Variants in DLGAP2 observed in about 807,000 individuals in gnomAD.
The protein encoded by DLGAP2 is DLG associated protein 2, also known as disks large-associated protein 2.
DLGAP2 carries 26 observed loss-of-function variants against 100.3 expected under a neutral mutation model. The observed-to-expected ratio is 0.26, with a 90% CI of 0.19 to 0.36. The LOEUF (loss-of-function observed/expected upper bound fraction) is 0.36. Among genes scored for constraint, DLGAP2 ranks in the 10% least tolerant of loss-of-function variants. The pLI is 1.00. For synonymous variants in DLGAP2, 886 were observed against 630.1 expected (o/e 1.41, Z -6.08); for missense variants, 1,858 against 1,453.2 (o/e 1.28, Z -4.53).
At chr8:1,184,467 C>G (rs1021482840) in intron 2 of DLGAP2, among the ~76,000 whole-genome samples, 1 of 152,166 alleles carries the variant, frequency 6.6e-6, no homozygotes, top group Non-Finnish European at 1.5e-5. Context: ...GAGGCTGAGG[C>G]CATTCTTCTC....
At chr8:1,409,531 C>G (rs992210141) in intron 3 of DLGAP2, among the ~76,000 whole-genome samples, 1 of 152,244 alleles carries the variant, frequency 6.6e-6, no homozygotes, top group Non-Finnish European at 1.5e-5. Flanking sequence ...GCTCAGAACC[C>G]TCCTCGCTTC....
intron 8 of DLGAP2, among the ~76,000 whole-genome samples, chr8:1,638,581 A>G (rs1319493286): frequency 6.6e-6 from 1 of 152,130 alleles, no homozygotes; most frequent in Non-Finnish European, 1.5e-5. Flanking sequence ...CTCAAATAGC[A>G]CAGGTGAGAA....
At chr8:1,206,399 C>T (rs1057027881) in intron 2 of DLGAP2, among the ~76,000 whole-genome samples, 8 of 129,166 alleles carry the variant, frequency 6.2e-5, no homozygotes, top group East Asian at 5.8e-4. Flanking sequence ...TCCAGCCATC[C>T]GTGGACTGGG....
chr8:1,107,507 A>G (rs1804815326), intron 2 of DLGAP2, among the ~76,000 whole-genome samples: 1 of 152,210 alleles, frequency 6.6e-6, no homozygotes, highest in African/African-American at 2.4e-5. Context: ...ACAGCTCTTC[A>G]CAGGGAGAGC....
chr8:1,433,517 T>C (rs940288628), intron 3 of DLGAP2, among the ~76,000 whole-genome samples: 1 of 152,208 alleles, frequency 6.6e-6, no homozygotes, highest in Non-Finnish European at 1.5e-5. Flanking sequence ...TGGTGCTGTC[T>C]GGTGAGCCCA....
At chr8:1,530,030 C>T (rs924703513) in intron 4 of DLGAP2, among the ~76,000 whole-genome samples, 24 of 152,126 alleles carry the variant, frequency 1.6e-4, no homozygotes, top group Non-Finnish European at 2.9e-4. Flanking sequence ...AGGACGGGAG[C>T]GAAATTAAAA....
chr8:795,709 G>GAGAGCAGGCATCCAGTA (rs1554564617), intron 1 of DLGAP2, among the ~76,000 whole-genome samples: 17 of 68,258 alleles, frequency 2.5e-4, no homozygotes, highest in Non-Finnish European at 1.5e-4. Context: ...GGCGTCCAGT[G>GAGAGCAGGCATCCAGTA]AGAGCAGGCG....
At chr8:1,167,329 C>T (rs932279160) in intron 2 of DLGAP2, among the ~76,000 whole-genome samples, 1 of 152,130 alleles carries the variant, frequency 6.6e-6, no homozygotes, top group Non-Finnish European at 1.5e-5. Context: ...TTCTCGAGTC[C>T]AGTACACACT....
At chr8:1,575,629 C>T (rs1355992580) in intron 6 of DLGAP2, among the ~76,000 whole-genome samples, 1 of 103,036 alleles carries the variant, frequency 9.7e-6, no homozygotes, top group Non-Finnish European at 1.8e-5. Flanking sequence ...TCCCCCCACC[C>T]CATAACAGGC....
chr8:955,701 A>T (rs1352372416), intron 2 of DLGAP2, among the ~76,000 whole-genome samples: 1 of 152,184 alleles, frequency 6.6e-6, no homozygotes, highest in Non-Finnish European at 1.5e-5. Context: ...TTGAATTATT[A>T]TCCCAACTTC....
chr8:1,045,844 G>T (rs1218911656), intron 2 of DLGAP2, among the ~76,000 whole-genome samples: 8 of 152,136 alleles, frequency 5.3e-5, no homozygotes, highest in African/African-American at 1.9e-4. Context: ...TAGGTGACTC[G>T]CCATAGGACG....
At chr8:1,314,864 T>TG (rs1422613347) in intron 3 of DLGAP2, among the ~76,000 whole-genome samples, 4 of 152,252 alleles carry the variant, frequency 2.6e-5, no homozygotes, top group Non-Finnish European at 5.9e-5. Flanking sequence ...TGAATTTCCA[T>TG]GGGTAAATCC....
At chr8:1,351,324 C>T (rs1294586567) in intron 3 of DLGAP2, among the ~76,000 whole-genome samples, 2 of 78,398 alleles carry the variant, frequency 2.6e-5, no homozygotes, top group African/African-American at 4.5e-5. Flanking sequence ...GTGGAAAGGC[C>T]GTGCGGGTCC....
intron 5 of DLGAP2, among the ~76,000 whole-genome samples, chr8:1,555,087 C>T (rs1302270249): frequency 6.6e-6 from 1 of 152,062 alleles, no homozygotes; most frequent in South Asian, 2.1e-4. Flanking sequence ...GATCTGGGGC[C>T]GTGAATGGAT....
intron 8 of DLGAP2, among the ~76,000 whole-genome samples, chr8:1,646,384 A>C (rs754060785): frequency 6.6e-6 from 1 of 151,760 alleles, no homozygotes; most frequent in African/African-American, 2.4e-5. Flanking sequence ...CTGTGTCTCT[A>C]TTGTCTGTCT....
chr8:1,120,043 C>A (rs755776443), intron 2 of DLGAP2, among the ~76,000 whole-genome samples: 1 of 152,196 alleles, frequency 6.6e-6, no homozygotes, highest in Non-Finnish European at 1.5e-5. Context: ...TGTCAGGCAG[C>A]AACTTATAAC....
intron 3 of DLGAP2, among the ~76,000 whole-genome samples, chr8:1,484,719 T>C (rs1799194476): frequency 6.6e-6 from 1 of 152,204 alleles, no homozygotes; most frequent in Non-Finnish European, 1.5e-5. Flanking sequence ...TTATGGGAGA[T>C]CCATGAAAAA....
intron 3 of DLGAP2, among the ~76,000 whole-genome samples, chr8:1,392,813 C>G (rs1269252285): frequency 1.3e-5 from 2 of 150,348 alleles, no homozygotes; most frequent in African/African-American, 4.9e-5. Flanking sequence ...TCCTGGGCAT[C>G]TGTGATTGGA....
intron 6 of DLGAP2, among the ~76,000 whole-genome samples, chr8:1,569,164 C>T (rs1802554260): frequency 6.7e-6 from 1 of 149,612 alleles, no homozygotes; most frequent in Non-Finnish European, 1.5e-5. Context: ...ACTGCCCACT[C>T]AGCAGACACA....
Sources: allele counts gnomAD v4.1 joint callset (sites outside exome capture counted in the v4.1 genomes callset), GRCh38; gene constraint gnomAD v4.1.1; transcripts MANE v1.5; gene names NCBI Gene and HGNC (gene_info 2026-07-23, HGNC 2026-07-21).